IGSF11: variants seen among roughly 807,000 people sequenced by gnomAD.
IGSF11 encodes CXADR like 1.
A neutral mutation model predicts 41.0 loss-of-function variants in IGSF11; 22 were observed. The observed-to-expected ratio is 0.54, with a 90% CI of 0.38 to 0.77. The LOEUF is 0.77. Among genes scored for constraint, IGSF11 ranks in the 30% least tolerant of loss-of-function variants. The probability of loss-of-function intolerance (pLI) is 0.00; values close to 1 mark genes in which losing one functional copy is unlikely to be tolerated. For missense variants in IGSF11, 444 were observed against 530.8 expected (o/e 0.84, Z 1.61); for synonymous variants, 219 against 201.3 (o/e 1.09, Z -0.74).
intron 1 of IGSF11, among the ~76,000 whole-genome samples, chr3:119,025,006 A>T (rs915500927): frequency 6.6e-6 from 1 of 152,200 alleles, no homozygotes; most frequent in Non-Finnish European, 1.5e-5. Flanking sequence ...AGTAGCAATC[A>T]ATTTTAAAAT....
chr3:119,011,959 G>C (rs1017140386), intron 1 of IGSF11, among the ~76,000 whole-genome samples: 2 of 152,124 alleles, frequency 1.3e-5, no homozygotes, highest in African/African-American at 4.8e-5. Flanking sequence ...GTGTGTGTGT[G>C]TGTGTGTGTG....
chr3:118,904,318 A>C (rs1212429895), intron 6 of IGSF11, among the ~76,000 whole-genome samples: 1 of 152,118 alleles, frequency 6.6e-6, no homozygotes, highest in Non-Finnish European at 1.5e-5. Flanking sequence ...TCTATTATAA[A>C]TGTCAATAGT....
intron 1 of IGSF11, among the ~76,000 whole-genome samples, chr3:119,050,223 T>G (rs917294140): frequency 4.6e-5 from 7 of 151,572 alleles, no homozygotes; most frequent in Non-Finnish European, 1.0e-4. Context: ...ACCTACAAAA[T>G]GGGAGAAAAT....
intron 1 of IGSF11, among the ~76,000 whole-genome samples, chr3:119,099,074 A>G (rs1182981269): frequency 6.6e-6 from 1 of 152,248 alleles, no homozygotes; most frequent in African/African-American, 2.4e-5. Flanking sequence ...TAAGATATGA[A>G]AATTGGGGAA....
intron 1 of IGSF11, among the ~76,000 whole-genome samples, chr3:119,088,235 G>A (rs980949954): frequency 1.6e-5 from 2 of 122,788 alleles, no homozygotes; most frequent in African/African-American, 2.6e-5. Flanking sequence ...TGTGGACCAC[G>A]GTGAAAAAAA....
At chr3:118,913,758 A>G (rs1014830590) in intron 4 of IGSF11, among the ~76,000 whole-genome samples, 2 of 152,184 alleles carry the variant, frequency 1.3e-5, no homozygotes, top group Non-Finnish European at 2.9e-5. Flanking sequence ...TCTAAATAAA[A>G]CCGTAATGTA....
chr3:119,047,630 C>T (rs922508826), intron 1 of IGSF11, among the ~76,000 whole-genome samples: 8 of 152,126 alleles, frequency 5.3e-5, no homozygotes, highest in African/African-American at 1.9e-4. Context: ...TTGAACTCAG[C>T]TCTGCACCAA....
intron 1 of IGSF11, among the ~76,000 whole-genome samples, chr3:119,104,971 T>A (rs544209065): frequency 1.3e-5 from 2 of 152,208 alleles, no homozygotes; most frequent in Non-Finnish European, 2.9e-5. Flanking sequence ...GCTCAATAAA[T>A]ATTTTTTGAA....
intron 1 of IGSF11, among the ~76,000 whole-genome samples, chr3:119,010,358 G>A (rs760636893): frequency 6.6e-6 from 1 of 152,226 alleles, no homozygotes; most frequent in Non-Finnish European, 1.5e-5. Flanking sequence ...GAAAAGATGA[G>A]AGCGACGGTT....
At chr3:118,952,172 G>A (rs530108732) in intron 1 of IGSF11, among the ~76,000 whole-genome samples, 29 of 152,220 alleles carry the variant, frequency 1.9e-4, no homozygotes, top group Non-Finnish European at 1.3e-4. Context: ...AAATGCTAAC[G>A]ATCATCTGAG....
At chr3:119,123,440 G>A (rs1165398266) in intron 1 of IGSF11, among the ~76,000 whole-genome samples, 1 of 152,206 alleles carries the variant, frequency 6.6e-6, no homozygotes, top group Non-Finnish European at 1.5e-5. Flanking sequence ...CTGAAAACAA[G>A]AACTCAAGCT....
At chr3:119,102,833 T>C (rs1023189787) in intron 1 of IGSF11, among the ~76,000 whole-genome samples, 1 of 152,180 alleles carries the variant, frequency 6.6e-6, no homozygotes, top group Non-Finnish European at 1.5e-5. Flanking sequence ...ATAATAGTTT[T>C]TTAATTCTCC....
chr3:119,145,498 C>T (rs552188602), intron 1 of IGSF11, among the ~76,000 whole-genome samples: 1 of 152,322 alleles, frequency 6.6e-6, no homozygotes, highest in East Asian at 1.9e-4. Context: ...TCCTTACTCC[C>T]TTCCTTTCTG....
At chr3:118,909,166 G>T (rs560356661) in intron 4 of IGSF11, among the ~76,000 whole-genome samples, 1 of 152,088 alleles carries the variant, frequency 6.6e-6, no homozygotes, top group Non-Finnish European at 1.5e-5. Context: ...AATAGATATT[G>T]ATCTTCAGGA....
intron 1 of IGSF11, among the ~76,000 whole-genome samples, chr3:119,065,991 G>T (rs1276561825): frequency 6.6e-6 from 1 of 151,710 alleles, no homozygotes; most frequent in African/African-American, 2.4e-5. Context: ...AAAACTTCAG[G>T]TATTTTATTT....
intron 1 of IGSF11, among the ~76,000 whole-genome samples, chr3:119,075,650 C>T (rs2076482078): frequency 1.3e-5 from 2 of 152,152 alleles, no homozygotes; most frequent in East Asian, 1.9e-4. Context: ...GGCTTTATTC[C>T]TGGGATGCAA....
At chr3:119,044,445 TA>T (rs1240069478) in intron 1 of IGSF11, among the ~76,000 whole-genome samples, 1 of 152,130 alleles carries the variant, frequency 6.6e-6, no homozygotes, top group East Asian at 1.9e-4. Flanking sequence ...GAATAATTAG[TA>T]TTCCTGAGGA....
intron 1 of IGSF11, among the ~76,000 whole-genome samples, chr3:118,966,653 G>C (rs1371669508): frequency 6.6e-6 from 1 of 152,070 alleles, no homozygotes; most frequent in African/African-American, 2.4e-5. Context: ...TTAGCACAAA[G>C]GCAACATTAC....
At chr3:119,036,107 G>T (rs985653627), upstream of IGSF11, among the ~76,000 whole-genome samples, 13 of 152,116 alleles carry the variant, frequency 8.5e-5, no homozygotes, top group Non-Finnish European at 1.5e-4. Context: ...TTAAAAAAAT[G>T]AAACATGTTA....
Sources: gnomAD v4.1 joint callset for allele counts (sites outside exome capture counted in the v4.1 genomes callset) on GRCh38, gnomAD v4.1.1 for gene constraint, MANE v1.5 for transcripts, NCBI Gene and HGNC (gene_info 2026-07-23, HGNC 2026-07-21) for gene names.